Variants in TTLL13 observed in about 807,000 individuals in gnomAD.
The protein encoded by TTLL13 is tubulin tyrosine ligase like 13.
the TTLL13 span, among the ~76,000 whole-genome samples, chr15:90,254,212 A>C: frequency 7.3e-6 from 1 of 137,654 alleles, no homozygotes; most frequent in Non-Finnish European, 1.5e-5. Flanking sequence ...TAAAAAAAAA[A>C]GGCTGGGCAC....
At chr15:90,263,665 T>C in the TTLL13 span, 1 of 605,630 alleles carries the variant, frequency 1.7e-6, no homozygotes, top group Non-Finnish European at 2.9e-6. Flanking sequence ...GAGATTTTTT[T>C]CAGTTACCTC....
the TTLL13 span, chr15:90,262,044 A>G: frequency 1.3e-6 from 2 of 1,535,854 alleles, no homozygotes; most frequent in East Asian, 4.9e-5. Context: ...GCAATGCTGG[A>G]CCAGGAACGA....
At chr15:90,262,411 C>T in the TTLL13 span, 32 of 1,379,444 alleles carry the variant, frequency 2.3e-5, no homozygotes, top group Non-Finnish European at 2.8e-5. Context: ...ATTTCCTGCT[C>T]TTTCCTCATC....
chr15:90,262,829 G>A, the TTLL13 span: 1 of 1,240,610 alleles, frequency 8.1e-7, no homozygotes, highest in Non-Finnish European at 1.1e-6. Flanking sequence ...TGAAGTGAGA[G>A]AATGGACAGC....
At chr15:90,264,884 G>A in the TTLL13 span, 4 of 1,536,112 alleles carry the variant, frequency 2.6e-6, no homozygotes, top group Admixed American at 2.0e-5. Context: ...TGAACACAGA[G>A]CAGCCAAGGT....
the TTLL13 span, chr15:90,257,680 A>C: frequency 1.2e-6 from 2 of 1,614,218 alleles, no homozygotes; most frequent in Non-Finnish European, 1.7e-6. Flanking sequence ...ATCAACAAAC[A>C]CAATGAGAAT....
At chr15:90,265,466 T>C in the TTLL13 span, 2 of 1,367,648 alleles carry the variant, frequency 1.5e-6, no homozygotes, top group Admixed American at 3.6e-5. Context: ...AATTAAAGTT[T>C]ATGCAGTTTT....
the TTLL13 span, among the ~76,000 whole-genome samples, chr15:90,260,867 AAGAG>A: frequency 4.0e-5 from 6 of 151,162 alleles, no homozygotes; most frequent in Non-Finnish European, 8.9e-5. Context: ...AAAAAAAAAA[AAGAG>A]AGAAAGAAAG....
At chr15:90,257,694 G>A in the TTLL13 span, 1 of 1,614,164 alleles carries the variant, frequency 6.2e-7, no homozygotes. Context: ...TGAGAATTTT[G>A]TCCGGGATGG....
the TTLL13 span, chr15:90,262,648 G>A: frequency 6.7e-7 from 1 of 1,498,768 alleles, no homozygotes; most frequent in South Asian, 1.3e-5. Flanking sequence ...TGGCTTACAG[G>A]AACCGCAACT....
the TTLL13 span, chr15:90,263,064 C>A: frequency 6.5e-7 from 1 of 1,536,124 alleles, no homozygotes; most frequent in Non-Finnish European, 8.7e-7. Flanking sequence ...AGACTCTCAT[C>A]CGAAGCCTGG....
At chr15:90,259,058 T>C in the TTLL13 span, 1 of 1,505,230 alleles carries the variant, frequency 6.6e-7, no homozygotes, top group Non-Finnish European at 8.9e-7. Context: ...AATATGTTCA[T>C]ATTTGCATTA....
chr15:90,251,114 C>CTTTTTTTTTTTTTTTTTTTTTTT, the TTLL13 span, among the ~76,000 whole-genome samples: 1 of 104,666 alleles, frequency 9.6e-6, no homozygotes, highest in Middle Eastern at 5.2e-3. Context: ...CCTGGTCTGT[C>CTTTTTTTTTTTTTTTTTTTTTTT]TTTTTTTTTT....
At chr15:90,257,371 C>T in the TTLL13 span, 4 of 1,498,188 alleles carry the variant, frequency 2.7e-6, 1 homozygote, top group South Asian at 5.3e-5. Context: ...GTCACTGTCA[C>T]CAAAGAACAA....
chr15:90,256,593 C>CTTTCTTTCTTTCTT, the TTLL13 span, among the ~76,000 whole-genome samples: 55 of 39,056 alleles, frequency 1.4e-3, 1 homozygote, highest in Non-Finnish European at 2.6e-3. Flanking sequence ...TTCTTTCTTT[C>CTTTCTTTCTTTCTT]TTTCTTTCTT....
At chr15:90,265,391 A>C in the TTLL13 span, 5 of 1,244,436 alleles carry the variant, frequency 4.0e-6, no homozygotes, top group Non-Finnish European at 5.1e-6. Flanking sequence ...GAGGTGGCGG[A>C]GACAGGCAGG....
the TTLL13 span, chr15:90,257,942 G>A: frequency 8.8e-5 from 108 of 1,223,130 alleles, no homozygotes; most frequent in Admixed American, 6.4e-4. Context: ...TTCAAAGCCC[G>A]GGCATGCAAT....
At chr15:90,263,850 G>C in the TTLL13 span, 1 of 826,370 alleles carries the variant, frequency 1.2e-6, no homozygotes, top group Non-Finnish European at 2.0e-6. Flanking sequence ...CTCATTTCCT[G>C]CATCCAGTTC....
At chr15:90,264,889 C>A in the TTLL13 span, 3 of 1,535,972 alleles carry the variant, frequency 2.0e-6, no homozygotes, top group African/African-American at 2.7e-5. Flanking sequence ...ACAGAGCAGC[C>A]AAGGTTCCCC....
Sources: allele counts gnomAD v4.1 joint callset (sites outside exome capture counted in the v4.1 genomes callset), GRCh38; gene constraint gnomAD v4.1.1; transcripts MANE v1.5; gene names NCBI Gene and HGNC (gene_info 2026-07-23, HGNC 2026-07-21).